CPNE8: variants seen among roughly 807,000 people sequenced by gnomAD.
The protein encoded by CPNE8 is copine-8.
In CPNE8, 45 loss-of-function variants were observed where a neutral mutation model predicts 81.5. That is an observed-to-expected ratio of 0.55 (90% CI 0.44 to 0.71). CPNE8 has a LOEUF of 0.71. Ranked by LOEUF, CPNE8 falls within the 30% of genes least tolerant of loss-of-function variation. CPNE8 has a pLI of 0.00. For synonymous variants in CPNE8, 252 were observed against 226.3 expected, an observed-to-expected ratio of 1.11 and a Z score of -1.02; for missense variants, 594 against 672.1, an observed-to-expected ratio of 0.88 and a Z score of 1.28.
intron 1 of CPNE8, among the ~76,000 whole-genome samples, chr12:38,893,118 G>A (rs1000842099): frequency 5.9e-5 from 9 of 152,136 alleles, no homozygotes; most frequent in African/African-American, 2.2e-4. Context: ...TGGCAACAAA[G>A]TTAAACTGTT....
chr12:38,798,352 C>T (rs547209470), intron 6 of CPNE8, among the ~76,000 whole-genome samples: 12 of 152,212 alleles, frequency 7.9e-5, no homozygotes, highest in African/African-American at 1.9e-4. Flanking sequence ...GCTGATCTCT[C>T]CGCAGAAACT....
chr12:38,797,653 C>A (rs995796998), intron 6 of CPNE8, among the ~76,000 whole-genome samples: 32 of 152,252 alleles, frequency 2.1e-4, no homozygotes, highest in African/African-American at 6.7e-4. Context: ...TCTCCTCCTC[C>A]AAAGGAACCC....
intron 6 of CPNE8, among the ~76,000 whole-genome samples, chr12:38,785,763 C>T (rs920653556): frequency 6.6e-6 from 1 of 151,898 alleles, no homozygotes; most frequent in Non-Finnish European, 1.5e-5. Context: ...AGCAGAGGAA[C>T]AAAGTTAAAG....
chr12:38,783,518 T>C (rs894971062), intron 6 of CPNE8, among the ~76,000 whole-genome samples: 8 of 152,262 alleles, frequency 5.3e-5, no homozygotes, highest in Middle Eastern at 3.4e-3. Flanking sequence ...TGCCCTGTTA[T>C]AGCAGAAAGT....
intron 19 of CPNE8, among the ~76,000 whole-genome samples, chr12:38,657,358 TAAAC>T (rs1237122483): frequency 6.6e-6 from 1 of 151,938 alleles, no homozygotes; most frequent in Non-Finnish European, 1.5e-5. Context: ...CTTGAGTAGG[TAAAC>T]AAAGTGGCAA....
chr12:38,897,223 A>C (rs1232046655), intron 1 of CPNE8, among the ~76,000 whole-genome samples: 2 of 152,160 alleles, frequency 1.3e-5, no homozygotes, highest in Non-Finnish European at 2.9e-5. Context: ...AAAAGTATTT[A>C]GAAAAGTGCA....
At chr12:38,760,451 A>ATG (rs1555154517) in intron 10 of CPNE8, among the ~76,000 whole-genome samples, 13 of 120,166 alleles carry the variant, frequency 1.1e-4, no homozygotes, top group African/African-American at 2.4e-4. Flanking sequence ...ATATATATAT[A>ATG]TGTGTGTGTA....
At chr12:38,676,746 T>C (rs1369533562) in intron 17 of CPNE8, among the ~76,000 whole-genome samples, 2 of 152,198 alleles carry the variant, frequency 1.3e-5, no homozygotes, top group Non-Finnish European at 2.9e-5. Context: ...GATGGAACAC[T>C]AGAGCAATCA....
At chr12:38,854,270 G>A (rs896590511) in intron 3 of CPNE8, among the ~76,000 whole-genome samples, 1 of 151,622 alleles carries the variant, frequency 6.6e-6, no homozygotes, top group Non-Finnish European at 1.5e-5. Context: ...TAAAACACTG[G>A]CCTCAACAGA....
chr12:38,743,912 G>C (rs1941167257), intron 10 of CPNE8, among the ~76,000 whole-genome samples: 1 of 152,152 alleles, frequency 6.6e-6, no homozygotes. Context: ...TATTGGCAGT[G>C]ACAATACACT....
upstream of CPNE8, chr12:38,906,159 T>G (rs887234671): frequency 1.7e-5 from 17 of 985,588 alleles, no homozygotes; most frequent in Non-Finnish European, 1.8e-5. Context: ...TCGGAGCTCT[T>G]GGGAGATCCC....
intron 19 of CPNE8, among the ~76,000 whole-genome samples, chr12:38,669,002 C>T (rs955758948): frequency 5.3e-5 from 8 of 151,420 alleles, no homozygotes; most frequent in African/African-American, 1.2e-4. Flanking sequence ...TGCAGTGAGC[C>T]GAGATCACAC....
chr12:38,806,992 C>T (rs2136975631), intron 6 of CPNE8, among the ~76,000 whole-genome samples: 1 of 151,576 alleles, frequency 6.6e-6, no homozygotes, highest in African/African-American at 2.4e-5. Flanking sequence ...GAGTGAACTC[C>T]CATTCACAAC....
chr12:38,747,462 T>G (rs1399658406), intron 10 of CPNE8, among the ~76,000 whole-genome samples: 1 of 152,148 alleles, frequency 6.6e-6, no homozygotes, highest in Non-Finnish European at 1.5e-5. Context: ...TCTAAATATA[T>G]TTTTAAAGCT....
At chr12:38,805,731 A>G (rs972581960) in intron 6 of CPNE8, among the ~76,000 whole-genome samples, 1 of 148,428 alleles carries the variant, frequency 6.7e-6, no homozygotes, top group Non-Finnish European at 1.5e-5. Flanking sequence ...AAAAGCTAGC[A>G]GAAGGCAAGA....
chr12:38,843,609 A>G (rs927436011), intron 4 of CPNE8, among the ~76,000 whole-genome samples: 1 of 152,100 alleles, frequency 6.6e-6, no homozygotes, highest in Non-Finnish European at 1.5e-5. Context: ...GGGGCTGTCA[A>G]TAAAAGAGAA....
chr12:38,844,976 G>C (rs1943532153), intron 4 of CPNE8, among the ~76,000 whole-genome samples: 1 of 151,918 alleles, frequency 6.6e-6, no homozygotes, highest in Admixed American at 6.5e-5. Context: ...AGTGAAAATT[G>C]ATCACACAAA....
intron 14 of CPNE8, among the ~76,000 whole-genome samples, chr12:38,701,888 G>A (rs1203701647): frequency 6.6e-6 from 1 of 152,178 alleles, no homozygotes; most frequent in Non-Finnish European, 1.5e-5. Context: ...AACGTGACAT[G>A]CAGTGAAAGC....
intron 8 of CPNE8, among the ~76,000 whole-genome samples, chr12:38,764,616 C>CAAAAA (rs1247038606): frequency 6.4e-3 from 288 of 44,980 alleles, no homozygotes; most frequent in East Asian, 0.011. Context: ...GACTCCGTCT[C>CAAAAA]AAAAAAAAAA....
Sources: allele counts gnomAD v4.1 joint callset (sites outside exome capture counted in the v4.1 genomes callset), GRCh38; gene constraint gnomAD v4.1.1; transcripts MANE v1.5; gene names NCBI Gene and HGNC (gene_info 2026-07-23, HGNC 2026-07-21).